Variants in FRAS1 observed in about 807,000 individuals in gnomAD.
FRAS1 encodes extracellular matrix organizing protein FRAS1.
A neutral mutation model predicts 435.2 loss-of-function variants in FRAS1; 290 were observed. The ratio of observed to expected loss-of-function variants is 0.67; its 90% CI spans 0.61 to 0.73. FRAS1 has a LOEUF of 0.73. Among genes scored for constraint, FRAS1 ranks in the 30% least tolerant of loss-of-function variants. The probability of loss-of-function intolerance (pLI) is 0.00; values close to 1 mark genes in which losing one functional copy is unlikely to be tolerated. For synonymous variants in FRAS1, 1,800 were observed against 1,851.0 expected (o/e 0.97, Z 0.71); for missense variants, 4,860 against 5,001.5 (o/e 0.97, Z 0.85).
intron 47 of FRAS1, among the ~76,000 whole-genome samples, chr4:78,457,433 C>T (rs1305775118): frequency 6.6e-6 from 1 of 152,168 alleles, no homozygotes; most frequent in African/African-American, 2.4e-5. Context: ...CAGCACTTAG[C>T]TTCATGCAGC....
intron 2 of FRAS1, among the ~76,000 whole-genome samples, chr4:78,092,807 A>G (rs1741599724): frequency 1.3e-5 from 2 of 152,224 alleles, no homozygotes; most frequent in Non-Finnish European, 2.9e-5. Flanking sequence ...CCCCAGATGC[A>G]TCGATAGAGA....
intron 2 of FRAS1, among the ~76,000 whole-genome samples, chr4:78,095,147 C>G (rs999041175): frequency 6.6e-6 from 1 of 152,180 alleles, no homozygotes; most frequent in Non-Finnish European, 1.5e-5. Flanking sequence ...GGATAAATCT[C>G]TATTTTGTAT....
chr4:78,199,909 T>TA (rs1392664493), intron 2 of FRAS1, among the ~76,000 whole-genome samples: 1 of 152,224 alleles, frequency 6.6e-6, no homozygotes, highest in Non-Finnish European at 1.5e-5. Flanking sequence ...GATGGATGAA[T>TA]AAAAATCATA....
At chr4:78,172,983 A>T (rs545912756) in intron 2 of FRAS1, among the ~76,000 whole-genome samples, 2 of 151,668 alleles carry the variant, frequency 1.3e-5, no homozygotes, top group Non-Finnish European at 2.9e-5. Flanking sequence ...TTTATCCATG[A>T]CACCCAAAAA....
chr4:78,470,150 C>G, intron 51 of FRAS1, 59 bp downstream of exon 51: 1 of 1,078,450 alleles, frequency 9.3e-7, no homozygotes, highest in Non-Finnish European at 1.4e-6. Context: ...TCCTTCTTCA[C>G]GACAATGACT....
At chr4:78,434,079 T>C (rs926217224) in intron 38 of FRAS1, among the ~76,000 whole-genome samples, 1 of 152,206 alleles carries the variant, frequency 6.6e-6, no homozygotes, top group African/African-American at 2.4e-5. Context: ...GGAAAAACTT[T>C]TCCAGATATG....
chr4:78,248,717 GA>G (rs1725374979), intron 4 of FRAS1, among the ~76,000 whole-genome samples: 4 of 152,002 alleles, frequency 2.6e-5, no homozygotes, highest in Admixed American at 2.6e-4. Context: ...ATTATATGAA[GA>G]AAAATTGTAT....
intron 2 of FRAS1, among the ~76,000 whole-genome samples, chr4:78,089,894 C>T (rs1421225547): frequency 1.3e-5 from 2 of 151,992 alleles, no homozygotes; most frequent in Admixed American, 6.6e-5. Flanking sequence ...ACTTTTTCTG[C>T]TCCTCTCCCT....
At chr4:78,430,622 C>T (rs1734177636) in intron 37 of FRAS1, among the ~76,000 whole-genome samples, 1 of 152,178 alleles carries the variant, frequency 6.6e-6, no homozygotes, top group Non-Finnish European at 1.5e-5. Context: ...TGCCCCCGGC[C>T]CCACCTTGAA....
At chr4:78,089,278 G>A (rs1159906184) in intron 2 of FRAS1, among the ~76,000 whole-genome samples, 2 of 138,992 alleles carry the variant, frequency 1.4e-5, no homozygotes, top group African/African-American at 2.7e-5. Flanking sequence ...GGGGCCTGTT[G>A]TGTGGTGGGG....
chr4:78,205,519 T>G (rs1222830062), intron 2 of FRAS1, among the ~76,000 whole-genome samples: 1 of 152,228 alleles, frequency 6.6e-6, no homozygotes, highest in Non-Finnish European at 1.5e-5. Context: ...TGATAAAACA[T>G]CTCTCTGAAA....
intron 2 of FRAS1, among the ~76,000 whole-genome samples, chr4:78,093,787 A>G (rs911684890): frequency 3.9e-5 from 6 of 152,216 alleles, no homozygotes; most frequent in African/African-American, 1.4e-4. Context: ...CACTCCCCTG[A>G]GGACCAATTT....
At chr4:78,394,915 T>C (rs1364579198) in intron 29 of FRAS1, among the ~76,000 whole-genome samples, 1 of 152,050 alleles carries the variant, frequency 6.6e-6, no homozygotes, top group African/African-American at 2.4e-5. Context: ...GGCATATCTT[T>C]CACCTTCTTG....
chr4:78,142,565 A>G (rs1384366786), intron 2 of FRAS1, among the ~76,000 whole-genome samples: 1 of 152,182 alleles, frequency 6.6e-6, no homozygotes, highest in Non-Finnish European at 1.5e-5. Flanking sequence ...AATAACTATG[A>G]TTAATATGTT....
chr4:78,241,293 T>C (rs1383062677), intron 3 of FRAS1, among the ~76,000 whole-genome samples: 2 of 152,186 alleles, frequency 1.3e-5, no homozygotes, highest in Admixed American at 1.3e-4. Flanking sequence ...TAGACTGCAA[T>C]GCCTGTTTAC....
intron 41 of FRAS1, among the ~76,000 whole-genome samples, chr4:78,441,880 C>G (rs1471112449): frequency 4.6e-5 from 7 of 152,262 alleles, no homozygotes; most frequent in Admixed American, 4.6e-4. Flanking sequence ...ACCATCTGCC[C>G]TGAACACTCT....
rs528063158 is a variant in FRAS1, at chr4:78,149,846, A to G, written c.108+83830A>G. On this transcript the variant is annotated intron_variant, in intron 2 of 73. Coordinates refer to ENST00000512123, the MANE Select transcript of FRAS1 (RefSeq NM_025074.7). ...CAGGCTGGTGAGAGCCTGGGAATGC[A>G]GTTGCCTGTCATCATCTGCACGATC... Among the ~76,000 whole-genome samples the G allele has an allele frequency of 6.1e-4, 93 of 152,224 alleles. 1 individual carries two copies. The highest frequency in any genetic ancestry group is 3.4e-3 in the Middle Eastern group (1 of 294).
chr4:78,116,393 T>A (rs1257568047), intron 2 of FRAS1, among the ~76,000 whole-genome samples: 1 of 152,190 alleles, frequency 6.6e-6, no homozygotes, highest in East Asian at 1.9e-4. Flanking sequence ...CTTGTTAACT[T>A]TCTGTCTCGT....
chr4:78,486,539 C>G lies in FRAS1; in HGVS notation c.8753-2336C>G, dbSNP rs186029244. Among the ~76,000 whole-genome samples the G allele has an allele frequency of 2.0e-5, 3 of 152,262 alleles. No individual in the cohort carries two copies. In the East Asian group the frequency reaches 5.8e-4, roughly 29 times the overall value. On this transcript the variant is annotated intron_variant, in intron 58 of 73. Coordinates refer to ENST00000512123, the MANE Select transcript of FRAS1 (RefSeq NM_025074.7). ...CCATCAGTGTGGAAAAAGAGGAGCC[C>G]TGCAGTCAGGGGAAGTTGATTCTAA...
Sources: allele counts gnomAD v4.1 joint callset (sites outside exome capture counted in the v4.1 genomes callset), GRCh38; gene constraint gnomAD v4.1.1; transcripts MANE v1.5; gene names NCBI Gene and HGNC (gene_info 2026-07-23, HGNC 2026-07-21).